Variants in PCDH15 observed in about 807,000 individuals in gnomAD.
PCDH15 encodes protocadherin-15.
In PCDH15, 129 loss-of-function variants were observed where a neutral mutation model predicts 178.5. The observed-to-expected ratio is 0.72, with a 90% confidence interval of 0.63 to 0.84. PCDH15 has a LOEUF of 0.84. Among genes scored for constraint, PCDH15 ranks in the 40% least tolerant of loss-of-function variants. The probability of loss-of-function intolerance (pLI) is 0.00; values close to 1 mark genes in which losing one functional copy is unlikely to be tolerated. For synonymous variants in PCDH15, 800 were observed against 732.0 expected (o/e 1.09, Z -1.50); for missense variants, 2,230 against 2,099.9 (o/e 1.06, Z -1.21).
intron 13 of PCDH15, among the ~76,000 whole-genome samples, chr10:54,158,576 C>T (rs2045391017): frequency 6.6e-6 from 1 of 152,108 alleles, no homozygotes; most frequent in African/African-American, 2.4e-5. Context: ...ATTTTGGCTG[C>T]AGTTTACTAC....
In PCDH15 at chr10:54,183,504, A is replaced by G; in HGVS notation, c.1530T>C (p.Pro510=). 1.2e-6 allele frequency: 2 copies of G among 1,613,782 alleles called. No homozygotes were observed. Among genetic ancestry groups the G allele is most frequent in the Non-Finnish European group, 1.7e-6 (2 of 1,179,754 alleles). ...AAACATACACATCATAGGATATTTCAGGGAAGGTTGGCGTGTTATCATTTG... is the reference window on the plus strand; with the variant it reads ...AAACATACACATCATAGGATATTTCGGGGAAGGTTGGCGTGTTATCATTTG... ...MDANDNTPTF[P]EISYDVYVYT... is the part of the protein sequence containing the mutation. The change falls in exon 13 of 38, where the codon CCT becomes CCC. Residue 510 remains proline, a synonymous_variant. Transcript: ENST00000644397.
chr10:54,381,016 T>G (rs1949167880), intron 3 of PCDH15, among the ~76,000 whole-genome samples: 2 of 151,630 alleles, frequency 1.3e-5, no homozygotes, highest in South Asian at 4.2e-4. Flanking sequence ...GAGTTTTGTT[T>G]GCTTGCCTGC....
intron 2 of PCDH15, among the ~76,000 whole-genome samples, chr10:55,477,638 A>G (rs912671993): frequency 6.6e-6 from 1 of 151,946 alleles, no homozygotes; most frequent in Admixed American, 6.6e-5. Context: ...AAGAGATGCC[A>G]TCATTTAGTG....
intron 15 of PCDH15, among the ~76,000 whole-genome samples, chr10:54,122,024 C>CAT (rs2132878738): frequency 6.6e-6 from 1 of 150,648 alleles, no homozygotes; most frequent in African/African-American, 2.5e-5. Flanking sequence ...CACACACACA[C>CAT]ACACACACAG....
intron 2 of PCDH15, among the ~76,000 whole-genome samples, chr10:55,039,115 T>A (rs1426525910): frequency 6.6e-6 from 1 of 151,922 alleles, no homozygotes; most frequent in African/African-American, 2.4e-5. Context: ...CTCCATACCT[T>A]CCCAGGTTCC....
At chr10:54,329,518 A>G (rs1938953348) in intron 7 of PCDH15, 78 bp downstream of exon 7, 1 of 1,066,202 alleles carries the variant, frequency 9.4e-7, no homozygotes, top group Middle Eastern at 2.1e-4. Context: ...GAGCTCTCCA[A>G]GAGTATCTGA....
Position 54,355,120 on chromosome 10 carries a change from C to CAAAA in PCDH15, c.475-8640_475-8637dup, listed in dbSNP as rs770404490. ...GCGTATTTCCAAAACAGGAGGATTG[C>CAAAA]AAAAAAAAAAAAAAAAAAAAAAAAA... On this transcript the variant is annotated intron_variant, in intron 5 of 37. Coordinates refer to ENST00000644397, the MANE Select transcript of PCDH15 (RefSeq NM_001384140.1). 1.5e-3 allele frequency among the ~76,000 whole-genome samples: 105 copies of CAAAA among 69,826 alleles called. 4 individuals carry two copies. The South Asian group carries it at 0.029, about 19-fold the overall frequency. 45.8% of individuals were successfully genotyped at this position (69,826 alleles called of 152,430 possible). A position where few individuals can be genotyped will look rare whatever the true frequency, so the allele number is the denominator to read the frequency against.
chr10:55,275,551 T>G (rs1347690092), intron 1 of PCDH15, among the ~76,000 whole-genome samples: 1 of 152,048 alleles, frequency 6.6e-6, no homozygotes, highest in Non-Finnish European at 1.5e-5. Flanking sequence ...CTACACGATC[T>G]CTATCATTTA....
intron 21 of PCDH15, among the ~76,000 whole-genome samples, chr10:53,989,644 T>G (rs1160710821): frequency 1.3e-5 from 2 of 152,156 alleles, no homozygotes; most frequent in African/African-American, 2.4e-5. Context: ...AGTTCTTGAT[T>G]ATTTCCCTAA....
chr10:54,299,017 A>T (rs1192095380), intron 8 of PCDH15, among the ~76,000 whole-genome samples: 3 of 152,220 alleles, frequency 2.0e-5, no homozygotes, highest in African/African-American at 7.2e-5. Flanking sequence ...TCATGCAGTT[A>T]TTGCATGCAG....
intron 2 of PCDH15, among the ~76,000 whole-genome samples, chr10:55,627,274 G>A (rs1366208702): frequency 6.6e-6 from 1 of 152,054 alleles, no homozygotes; most frequent in Admixed American, 6.6e-5. Context: ...AGTTGTATAT[G>A]ACACTGACAT....
intron 2 of PCDH15, among the ~76,000 whole-genome samples, chr10:55,105,727 A>C (rs1287657290): frequency 1.3e-5 from 2 of 152,148 alleles, no homozygotes; most frequent in African/African-American, 2.4e-5. Context: ...GGCTCTCCTA[A>C]ACAGAAGAGT....
intron 9 of PCDH15, among the ~76,000 whole-genome samples, chr10:54,230,794 ATATT>A (rs752724847): frequency 1.3e-5 from 2 of 152,128 alleles, no homozygotes; most frequent in Non-Finnish European, 2.9e-5. Flanking sequence ...TAGCAATATT[ATATT>A]TATGTTTTAG....
At chr10:54,740,564 A>G (rs1351245105) in intron 1 of PCDH15, among the ~76,000 whole-genome samples, 2 of 151,958 alleles carry the variant, frequency 1.3e-5, no homozygotes, top group South Asian at 2.1e-4. Context: ...TCCACAAAAA[A>G]TCTGCAGTCT....
intron 2 of PCDH15, among the ~76,000 whole-genome samples, chr10:54,543,921 C>T (rs755386801): frequency 7.2e-5 from 11 of 152,178 alleles, no homozygotes; most frequent in Non-Finnish European, 1.5e-4. Flanking sequence ...TAACATTTCT[C>T]ATTTTTATAA....
intron 2 of PCDH15, among the ~76,000 whole-genome samples, chr10:55,445,270 T>C (rs1839290113): frequency 6.6e-6 from 1 of 152,100 alleles, no homozygotes; most frequent in Admixed American, 6.6e-5. Context: ...TTGGTTTTCC[T>C]GCTTTTTTTT....
chr10:55,103,705 C>T (rs1387448905), intron 2 of PCDH15, among the ~76,000 whole-genome samples: 1 of 151,934 alleles, frequency 6.6e-6, no homozygotes, highest in East Asian at 1.9e-4. Context: ...CATATAGTGC[C>T]ATGTGTAATG....
At chr10:55,214,250 G>T (rs1840642418) in intron 1 of PCDH15, among the ~76,000 whole-genome samples, 1 of 151,904 alleles carries the variant, frequency 6.6e-6, no homozygotes, top group Non-Finnish European at 1.5e-5. Flanking sequence ...AATATACATT[G>T]AATAGTTAAA....
intron 2 of PCDH15, among the ~76,000 whole-genome samples, chr10:55,607,642 A>G (rs1269168656): frequency 6.7e-6 from 1 of 148,206 alleles, no homozygotes; most frequent in South Asian, 2.2e-4. Flanking sequence ...GTAAACTATC[A>G]CAAGAACAAA....
Sources: allele counts gnomAD v4.1 joint callset (sites outside exome capture counted in the v4.1 genomes callset), GRCh38; gene constraint gnomAD v4.1.1; transcripts MANE v1.5; gene names NCBI Gene and HGNC (gene_info 2026-07-23, HGNC 2026-07-21).